Variants in RABL6 observed in about 807,000 individuals in gnomAD.
The protein encoded by RABL6 is RAB, member RAS oncogene family like 6, also known as rab-like protein 6.
In RABL6, 28 loss-of-function variants were observed where a neutral mutation model predicts 72.9. That is an observed-to-expected ratio of 0.38 (90% confidence interval 0.28 to 0.53). RABL6 has a LOEUF of 0.53. RABL6 is among the 20% of genes least tolerant of loss of function. The pLI, the probability that RABL6 is intolerant of heterozygous loss-of-function variation, is 0.80. For synonymous variants in RABL6, 477 were observed against 421.2 expected (o/e 1.13, Z -1.62); for missense variants, 1,029 against 1,008.4 (o/e 1.02, Z -0.28).
rs781414397 is a variant in RABL6 at position 136,833,922 on chromosome 9, T to G, written c.705+1552T>G. On this transcript the variant is annotated intron_variant, in intron 7 of 14. Coordinates refer to ENST00000311502, the MANE Select transcript of RABL6 (RefSeq NM_024718.5). ...CCTCATCACTGGGTTGATTACTCCT[T>G]AGAGAGCTCCCCACTGCTCAGCTGC... 19 of 1,549,954 alleles carry G rather than the reference T, an allele frequency of 1.2e-5. No homozygotes were observed. The African/African-American group carries it at 1.9e-4, about 16-fold the overall frequency.
chr9:136,818,076 A>G (rs1848156474), intron 1 of RABL6, among the ~76,000 whole-genome samples: 1 of 150,252 alleles, frequency 6.7e-6, no homozygotes, highest in African/African-American at 2.4e-5. Context: ...AAAAAAAAAA[A>G]AAAAATGACG....
chr9:136,818,406 C>CAAAA (rs1218807208), intron 1 of RABL6, among the ~76,000 whole-genome samples: 1 of 11,674 alleles, frequency 8.6e-5, no homozygotes, highest in Non-Finnish European at 1.5e-4. Context: ...AAAAAAAAAC[C>CAAAA]AAAGGTAAGC....
chr9:136,839,050 A>G lies in RABL6; in HGVS notation c.1422A>G (p.Glu474=). 1 of 1,612,546 alleles carries G rather than the reference A, an allele frequency of 6.2e-7. No individual in the cohort carries two copies. Among genetic ancestry groups the G allele is most frequent in the Non-Finnish European group, 8.5e-7 (1 of 1,179,776 alleles). Residue 474 remains glutamate, a synonymous_variant, in exon 11 of 15, where the codon GAA becomes GAG. Coordinates refer to ENST00000311502, the MANE Select transcript of RABL6 (RefSeq NM_024718.5). The part of the protein sequence containing the change: ...SQDITLSSEE[E]AEVAAPTKGP... ...ACATCACTCTTTCGAGTGAGGAGGA[A>G]GCAGAAGTGGCAGCTCCCACAAAAG...
At chr9:136,820,200 CAAAAAAAAAAA>C (rs34975162) in intron 1 of RABL6, among the ~76,000 whole-genome samples, 22 of 77,848 alleles carry the variant, frequency 2.8e-4, no homozygotes, top group Non-Finnish European at 3.9e-4. Context: ...CTCCATCTTC[CAAAAAAAAAAA>C]AAAAAAAAAA....
chr9:136,835,970 C>T lies in RABL6; in HGVS notation c.809+125C>T, dbSNP rs556983588. On this transcript the variant is annotated intron_variant, in intron 8 of 14. Transcript: ENST00000311502. ...TCCCCTGTTTGGGGTAAATTAGTCACCTTTGGGCACGGGTGGAGGAGGACT... is the reference window on the plus strand; with the variant it reads ...TCCCCTGTTTGGGGTAAATTAGTCATCTTTGGGCACGGGTGGAGGAGGACT... The T allele has an allele frequency of 5.1e-5, 46 of 909,546 alleles. No individual in the cohort carries two copies. In the African/African-American group the frequency reaches 7.2e-4, roughly 14 times the overall value. The allele number at this position is 909,546 out of a possible 1,614,324, so 56.3% of individuals were successfully genotyped here.
At chr9:136,816,162 T>C (rs944366019) in intron 1 of RABL6, among the ~76,000 whole-genome samples, 2 of 152,186 alleles carry the variant, frequency 1.3e-5, no homozygotes, top group African/African-American at 4.8e-5. Flanking sequence ...TGGAGTGCAG[T>C]GGCGCAATCT....
intron 10 of RABL6, among the ~76,000 whole-genome samples, chr9:136,838,302 C>A (rs1848621825): frequency 6.6e-6 from 1 of 152,186 alleles, no homozygotes; most frequent in African/African-American, 2.4e-5. Flanking sequence ...ATTGGAGAGG[C>A]CACTGCAGGT....
chr9:136,840,754 G>C lies in RABL6; in HGVS notation c.*232G>C, dbSNP rs1373503632. 6.5e-7 allele frequency: 1 copy of C among 1,548,198 alleles called. No homozygotes were observed. Among genetic ancestry groups the C allele is most frequent in the African/African-American group, 1.4e-5 (1 of 72,996 alleles). On this transcript the variant is annotated 3_prime_UTR_variant, in exon 15 of 15. Transcript: ENST00000311502. ...GGGAGGGGACAGCTGGCTTCAGCCA[G>C]GCTCGGTGGACACCCTGGCCCTCTC...
rs1398000043 is a variant in RABL6 at position 136,841,027 on chromosome 9, G to A, written c.*505G>A. 2.4e-5 allele frequency: 34 copies of A among 1,432,350 alleles called. No individual in the cohort carries two copies. The highest frequency in any genetic ancestry group is 2.6e-4 in the Middle Eastern group (1 of 3,848). 88.7% of individuals were successfully genotyped at this position (1,432,350 alleles called of 1,614,324 possible). On this transcript the variant is annotated 3_prime_UTR_variant, in exon 15 of 15. Transcript: ENST00000311502. The stretch of plus-strand genomic sequence containing the variant: ...CCAGGCCCCACGCTAGAAGGCTGGC[G>A]AGACCGAAGGCAGCATGTGAGGCCT...
chr9:136,841,050 C>G lies in RABL6; in HGVS notation c.*528C>G. 7.0e-7 allele frequency: 1 copy of G among 1,423,390 alleles called. No individual in the cohort carries two copies. 88.2% of individuals were successfully genotyped at this position (1,423,390 alleles called of 1,614,324 possible). A position where few individuals can be genotyped will look rare whatever the true frequency, so the allele number is the denominator to read the frequency against. ...GCGAGACCGAAGGCAGCATGTGAGG[C>G]CTCTCCTGGGAGTGGGGGTTGTGTT... On this transcript the variant is annotated 3_prime_UTR_variant, in exon 15 of 15. Coordinates refer to ENST00000311502, the MANE Select transcript of RABL6 (RefSeq NM_024718.5).
rs762280001 is a variant in RABL6, at chr9:136,840,422, G to A, written c.2090G>A (p.Arg697His). ...ERRRRQQRPP[R>H]SRERTAADEL... ...CGACGGCGGCAGCAGCGGCCCCCGC[G>A]CAGCAGGGAGAGGACGGCTGCCGAT... Residue 697 changes from arginine (R) to histidine (H), a missense_variant, in exon 15 of 15, where the codon CGC becomes CAC. Around this residue, in one of 2 missense-constraint regions of RABL6, gnomAD observed 595 missense variants for 472.4 expected, o/e 1.26. Transcript: ENST00000311502. 5.2e-5 allele frequency: 80 copies of A among 1,549,702 alleles called. No individual in the cohort carries two copies. The East Asian group carries it at 6.1e-4, about 12-fold the overall frequency.
At chr9:136,824,226 G>C (rs1848302773) in intron 2 of RABL6, among the ~76,000 whole-genome samples, 1 of 152,104 alleles carries the variant, frequency 6.6e-6, no homozygotes, top group South Asian at 2.1e-4. Context: ...CCTGCTGTGG[G>C]AGGCAGAGCA....
intron 1 of RABL6, among the ~76,000 whole-genome samples, chr9:136,819,134 A>C (rs536942223): frequency 9.9e-5 from 15 of 152,174 alleles, no homozygotes; most frequent in Middle Eastern, 3.4e-3. Flanking sequence ...CATCCTGGCT[A>C]ACATGGTGAA....
At chr9:136,832,906 C>T (rs1042095561) in intron 7 of RABL6, 2 of 325,644 alleles carry the variant, frequency 6.1e-6, no homozygotes, top group Non-Finnish European at 1.2e-5. Context: ...CCAGCTGTGG[C>T]TGCAAAGTAG....
chr9:136,822,039 A>C, intron 1 of RABL6: 1 of 1,289,666 alleles, frequency 7.8e-7, no homozygotes, highest in Non-Finnish European at 1.0e-6. Context: ...AGGGGAGAAG[A>C]AATGACTGTG....
chr9:136,818,009 C>G (rs1286193024), intron 1 of RABL6, among the ~76,000 whole-genome samples: 4 of 140,240 alleles, frequency 2.9e-5, no homozygotes, highest in Non-Finnish European at 4.5e-5. Context: ...TTGGAATGAG[C>G]TGAGATCGCG....
At chr9:136,835,535 G>C (rs1030858566) in intron 7 of RABL6, 1 of 545,728 alleles carries the variant, frequency 1.8e-6, no homozygotes, top group Non-Finnish European at 3.3e-6. Context: ...TGTAGGTGTC[G>C]TGCCGGCCAC....
chr9:136,835,878 T>C, intron 8 of RABL6, 33 bp downstream of exon 8: 19 of 1,539,702 alleles, frequency 1.2e-5, no homozygotes, highest in Non-Finnish European at 1.7e-5. Flanking sequence ...GCGGGCGGTG[T>C]GGGGGCTGCG....
chr9:136,839,942 C>G (rs1160374676), intron 13 of RABL6, 77 bp downstream of exon 13: 1 of 1,539,172 alleles, frequency 6.5e-7, no homozygotes, highest in Admixed American at 1.9e-5. Flanking sequence ...CTGCTGGCCG[C>G]TGGCCGGGGT....
Sources: gnomAD v4.1 joint callset for allele counts (sites outside exome capture counted in the v4.1 genomes callset) on GRCh38, gnomAD v4.1.1 for gene constraint, gnomAD v4.1.1 regional missense constraint, MANE v1.5 for transcripts, NCBI Gene and HGNC (gene_info 2026-07-23, HGNC 2026-07-21) for gene names.